Variants in ELP4 observed in about 807,000 individuals in gnomAD.
The protein encoded by ELP4 is elongator acetyltransferase complex subunit 4.
A neutral mutation model predicts 48.9 loss-of-function variants in ELP4; 51 were observed. The observed-to-expected ratio is 1.04, with a 90% CI of 0.83 to 1.32. The LOEUF is 1.32. ELP4 is among the 40% of genes most tolerant of loss of function. ELP4 has a pLI of 0.00. For missense variants in ELP4, 519 were observed against 514.6 expected, an observed-to-expected ratio of 1.01 and a Z score of -0.08; for synonymous variants, 210 against 189.2, an observed-to-expected ratio of 1.11 and a Z score of -0.90.
chr11:31,632,444 T>C (rs1044606511), intron 7 of ELP4, 39 bp downstream of exon 7: 1 of 1,518,814 alleles, frequency 6.6e-7, no homozygotes, highest in Non-Finnish European at 9.0e-7. Context: ...TAATTCATAG[T>C]AATATAGTAT....
chr11:31,561,443 T>C (rs1298200918), intron 3 of ELP4, among the ~76,000 whole-genome samples: 5 of 125,406 alleles, frequency 4.0e-5, no homozygotes, highest in Non-Finnish European at 9.6e-5. Context: ...CACATTATTT[T>C]TTATTTTTTA....
intron 1 of ELP4, among the ~76,000 whole-genome samples, chr11:31,515,789 C>T (rs1956100653): frequency 6.6e-6 from 1 of 152,140 alleles, no homozygotes; most frequent in Non-Finnish European, 1.5e-5. Context: ...GTGATCTGTT[C>T]TCATTGTCCC....
chr11:31,693,832 T>C (rs1946336635), intron 9 of ELP4, among the ~76,000 whole-genome samples: 1 of 152,244 alleles, frequency 6.6e-6, no homozygotes. Context: ...TGTTGTTTCC[T>C]GACTTTTTAA....
intron 3 of ELP4, among the ~76,000 whole-genome samples, chr11:31,553,725 A>AC (rs1362894921): frequency 3.3e-4 from 46 of 140,492 alleles, no homozygotes; most frequent in Non-Finnish European, 4.8e-4. Context: ...TGCACACACA[A>AC]ACACACACAC....
Position 31,783,486 on chromosome 11 carries a change from G to A in ELP4, c.1237G>A (p.Gly413Ser), listed in dbSNP as rs1010559911. The A allele has an allele frequency of 6.2e-7, 1 of 1,614,106 alleles. No homozygotes were observed. The highest frequency in any genetic ancestry group is 8.5e-7 in the Non-Finnish European group (1 of 1,179,958). ...CGCCAAGCGGCTGGGCCCAGGCTGT[G>A]GCATGATGGCCGGAGGCAAGAAGCA... ...ESAKRLGPGC[G>S]MMAGGKKHLD... is the part of the protein sequence containing the mutation. Residue 413 changes from glycine (G) to serine (S), a missense_variant, in exon 10 of 10, where the codon GGC (glycine) becomes AGC (serine). Physicochemically the swap from Gly to Ser is moderately conservative, Grantham distance 56. Coordinates refer to ENST00000640961, the MANE Select transcript of ELP4 (RefSeq NM_019040.5).
At chr11:31,551,268 A>C (rs1295585444) in intron 3 of ELP4, among the ~76,000 whole-genome samples, 1 of 152,172 alleles carries the variant, frequency 6.6e-6, no homozygotes, top group Non-Finnish European at 1.5e-5. Context: ...CTGCAAATCG[A>C]TGCGGATGGT....
chr11:31,751,815 C>G (rs1947727122), intron 9 of ELP4, among the ~76,000 whole-genome samples: 1 of 152,166 alleles, frequency 6.6e-6, no homozygotes, highest in Admixed American at 6.5e-5. Flanking sequence ...ACATAAGCTA[C>G]TAACCTAGAA....
intron 9 of ELP4, chr11:31,652,693 A>G (rs1307416743): frequency 6.6e-6 from 1 of 151,798 alleles, no homozygotes. Flanking sequence ...TTACTTTCAG[A>G]AGTAAAAGAG....
chr11:31,656,004 G>T (rs1945425626), intron 9 of ELP4, among the ~76,000 whole-genome samples: 1 of 151,820 alleles, frequency 6.6e-6, no homozygotes, highest in African/African-American at 2.4e-5. Flanking sequence ...GTTTCTAAGT[G>T]GTAAGCTTTT....
At chr11:31,741,180 C>T (rs953994883) in intron 9 of ELP4, among the ~76,000 whole-genome samples, 4 of 151,980 alleles carry the variant, frequency 2.6e-5, no homozygotes, top group East Asian at 1.9e-4. Flanking sequence ...AAGGTGGCAG[C>T]GAGGCTAGGG....
intron 1 of ELP4, among the ~76,000 whole-genome samples, chr11:31,513,352 T>G (rs991890045): frequency 1.1e-4 from 17 of 152,130 alleles, no homozygotes; most frequent in African/African-American, 3.9e-4. Context: ...TTTATAATGC[T>G]TGGGGAAGAA....
chr11:31,662,443 C>G (rs1025103966), intron 9 of ELP4: 1 of 394,784 alleles, frequency 2.5e-6, no homozygotes, highest in Non-Finnish European at 4.5e-6. Flanking sequence ...AAATCCAGCT[C>G]CATGTTGTTG....
chr11:31,607,421 C>G (rs973255401), intron 5 of ELP4, among the ~76,000 whole-genome samples: 1 of 152,142 alleles, frequency 6.6e-6, no homozygotes. Context: ...AAGATGGCAC[C>G]TTTTTCCTGC....
chr11:31,553,608 T>A (rs1466377271), intron 3 of ELP4, among the ~76,000 whole-genome samples: 4 of 152,050 alleles, frequency 2.6e-5, no homozygotes. Context: ...TGACTAGAAC[T>A]ACACTATTAA....
At chr11:31,645,994 G>A (rs1231918445) in intron 7 of ELP4, 6 of 151,118 alleles carry the variant, frequency 4.0e-5, no homozygotes, top group Non-Finnish European at 8.9e-5. Flanking sequence ...TTTGGGTGAA[G>A]AATAACTGGC....
chr11:31,769,307 A>T (rs185877114), intron 9 of ELP4, among the ~76,000 whole-genome samples: 1 of 152,298 alleles, frequency 6.6e-6, no homozygotes, highest in Non-Finnish European at 1.5e-5. Context: ...GACATTGGCT[A>T]TTATGCTCTG....
At chr11:31,631,261 C>T (rs1378556234) in intron 6 of ELP4, among the ~76,000 whole-genome samples, 1 of 152,068 alleles carries the variant, frequency 6.6e-6, no homozygotes, top group Non-Finnish European at 1.5e-5. Flanking sequence ...TATTTTATAG[C>T]AATAGCAAGT....
chr11:31,534,239 T>G (rs2133898172), intron 2 of ELP4, among the ~76,000 whole-genome samples: 1 of 151,130 alleles, frequency 6.6e-6, no homozygotes, highest in East Asian at 1.9e-4. Flanking sequence ...TTTCACTGGA[T>G]TATAAGGATG....
intron 5 of ELP4, among the ~76,000 whole-genome samples, chr11:31,623,368 T>TAC (rs1565084141): frequency 2.0e-5 from 2 of 101,334 alleles, no homozygotes; most frequent in Non-Finnish European, 3.9e-5. Context: ...TATATATATA[T>TAC]ATATATATAT....
Sources: gnomAD v4.1 joint callset for allele counts (sites outside exome capture counted in the v4.1 genomes callset) on GRCh38, gnomAD v4.1.1 for gene constraint, MANE v1.5 for transcripts, NCBI Gene and HGNC (gene_info 2026-07-23, HGNC 2026-07-21) for gene names.